NBAS: variants seen among roughly 807,000 people sequenced by gnomAD.
NBAS encodes NAG/BC035112 fusion.
A neutral mutation model predicts 302.5 loss-of-function variants in NBAS; 219 were observed. That is an observed-to-expected ratio of 0.72 (90% CI 0.65 to 0.81). NBAS has a LOEUF of 0.81. Among genes scored for constraint, NBAS ranks in the 30% least tolerant of loss-of-function variants. The pLI is 0.00. For synonymous variants in NBAS, 1,118 were observed against 1,021.6 expected, an observed-to-expected ratio of 1.09 and a Z score of -1.80; for missense variants, 2,932 against 2,841.6, an observed-to-expected ratio of 1.03 and a Z score of -0.72.
chr2:15,458,704 GCAACACAAA>G (rs1176683598), intron 21 of NBAS, among the ~76,000 whole-genome samples: 4 of 152,048 alleles, frequency 2.6e-5, no homozygotes, highest in African/African-American at 9.7e-5. Context: ...TTTCTCTGTG[GCAACACAAA>G]CAGACTAATA....
intron 32 of NBAS, 110 bp from the exon 33 acceptor site, chr2:15,356,526 C>G (rs1673631348): frequency 1.2e-6 from 1 of 823,968 alleles, no homozygotes; most frequent in Non-Finnish European, 2.0e-6. Context: ...AGAGAGATTA[C>G]AGGGATTTTA....
the NBAS span, among the ~76,000 whole-genome samples, chr2:15,129,920 G>A: frequency 6.6e-6 from 1 of 152,210 alleles, no homozygotes; most frequent in African/African-American, 2.4e-5. Flanking sequence ...TGCTTGTTAT[G>A]TGTGTGTTAA....
At chr2:15,286,009 T>G (rs933648655) in intron 42 of NBAS, among the ~76,000 whole-genome samples, 12 of 152,200 alleles carry the variant, frequency 7.9e-5, no homozygotes, top group Non-Finnish European at 1.3e-4. Flanking sequence ...CTTCATTGGG[T>G]GCTTCCTGTC....
At chr2:15,483,633 C>T (rs546152161) in intron 12 of NBAS, among the ~76,000 whole-genome samples, 3 of 152,162 alleles carry the variant, frequency 2.0e-5, no homozygotes, top group East Asian at 1.9e-4. Context: ...ACAATGAAAG[C>T]CAAAGTATTT....
At chr2:15,377,495 A>G (rs764260098) in intron 30 of NBAS, among the ~76,000 whole-genome samples, 21 of 152,216 alleles carry the variant, frequency 1.4e-4, no homozygotes, top group African/African-American at 4.8e-4. Context: ...TAATATTACA[A>G]TAGCCCTATG....
At chr2:15,226,207 G>C (rs1572482420) in intron 47 of NBAS, among the ~76,000 whole-genome samples, 1 of 152,156 alleles carries the variant, frequency 6.6e-6, no homozygotes, top group Non-Finnish European at 1.5e-5. Flanking sequence ...GTATGATAAG[G>C]TTGTTCTGAG....
the NBAS span, among the ~76,000 whole-genome samples, chr2:15,074,047 G>A: frequency 6.6e-6 from 1 of 152,058 alleles, no homozygotes; most frequent in Non-Finnish European, 1.5e-5. Flanking sequence ...ACTAACACCA[G>A]ATATGAAAAT....
chr2:15,520,924 C>T (rs1406084314), intron 9 of NBAS, among the ~76,000 whole-genome samples: 1 of 152,188 alleles, frequency 6.6e-6, no homozygotes, highest in Non-Finnish European at 1.5e-5. Flanking sequence ...TCTCTACATA[C>T]ACAATAGCAG....
At chr2:15,212,551 G>C (rs997694111) in intron 48 of NBAS, among the ~76,000 whole-genome samples, 5 of 152,130 alleles carry the variant, frequency 3.3e-5, no homozygotes, top group African/African-American at 4.8e-5. Flanking sequence ...CCTGTGTACT[G>C]TGCAGACTTT....
intron 40 of NBAS, 66 bp downstream of exon 40, chr2:15,308,148 CGT>C: frequency 1.2e-6 from 2 of 1,605,158 alleles, no homozygotes; most frequent in South Asian, 2.2e-5. Context: ...AAATTAAACA[CGT>C]GTTTTGAGTA....
At chr2:15,418,447 G>T (rs964011944) in intron 23 of NBAS, among the ~76,000 whole-genome samples, 4 of 152,116 alleles carry the variant, frequency 2.6e-5, no homozygotes, top group Admixed American at 1.3e-4. Flanking sequence ...TATTCATGAG[G>T]ACCTACTAGA....
chr2:15,203,409 A>G (rs904329167), intron 48 of NBAS, among the ~76,000 whole-genome samples: 1 of 152,240 alleles, frequency 6.6e-6, no homozygotes, highest in Non-Finnish European at 1.5e-5. Context: ...CCCTCAAAAC[A>G]TGGAGCATGT....
chr2:15,073,498 A>AAAAAAAAAG, the NBAS span, among the ~76,000 whole-genome samples: 2 of 140,836 alleles, frequency 1.4e-5, no homozygotes, highest in African/African-American at 2.8e-5. Context: ...AAAATAAAAA[A>AAAAAAAAAG]TAAAACAATA....
intron 12 of NBAS, among the ~76,000 whole-genome samples, chr2:15,487,243 T>C (rs1193864256): frequency 3.9e-5 from 6 of 152,218 alleles, no homozygotes; most frequent in Non-Finnish European, 8.8e-5. Context: ...TCATCATGCA[T>C]TGATAACCAT....
At chr2:15,335,320 C>T (rs542868658) in intron 35 of NBAS, among the ~76,000 whole-genome samples, 1 of 152,178 alleles carries the variant, frequency 6.6e-6, no homozygotes, top group South Asian at 2.1e-4. Context: ...AATAGTGCTG[C>T]CCTGACATGC....
the NBAS span, among the ~76,000 whole-genome samples, chr2:14,825,823 G>T: frequency 3.3e-5 from 5 of 152,198 alleles, no homozygotes; most frequent in African/African-American, 9.7e-5. Flanking sequence ...AATAAGGCAG[G>T]AACTAGGCTG....
At chr2:14,934,886 C>T in the NBAS span, among the ~76,000 whole-genome samples, 3 of 152,144 alleles carry the variant, frequency 2.0e-5, no homozygotes, top group African/African-American at 7.2e-5. Flanking sequence ...AAGCTGCTGA[C>T]AGAAACAATC....
the NBAS span, among the ~76,000 whole-genome samples, chr2:15,147,254 C>T: frequency 5.3e-5 from 8 of 152,060 alleles, no homozygotes; most frequent in East Asian, 1.9e-4. Flanking sequence ...ACAGGTCTGA[C>T]GAAGCTATTA....
chr2:14,816,090 CTGATCACTCTT>C, the NBAS span, among the ~76,000 whole-genome samples: 1 of 152,186 alleles, frequency 6.6e-6, no homozygotes, highest in African/African-American at 2.4e-5. Context: ...AAAATCTATT[CTGATCACTCTT>C]TGCTTTAAAA....
Sources: gnomAD v4.1 joint callset for allele counts (sites outside exome capture counted in the v4.1 genomes callset) on GRCh38, gnomAD v4.1.1 for gene constraint, MANE v1.5 for transcripts, NCBI Gene and HGNC (gene_info 2026-07-23, HGNC 2026-07-21) for gene names.